The following NASP variants were observed in gnomAD, a reference collection of about 807,000 sequenced individuals.
NASP encodes the protein nuclear autoantigenic sperm protein, also known as NASP histone chaperone.
NASP carries 24 observed loss-of-function variants against 89.5 expected under a neutral mutation model. That is an observed-to-expected ratio of 0.27 (90% CI 0.19 to 0.38). The LOEUF (loss-of-function observed/expected upper bound fraction) is 0.38, where lower values mean the gene tolerates loss of function less well. Among genes scored for constraint, NASP ranks in the 10% least tolerant of loss-of-function variants. The pLI is 1.00. For missense variants in NASP, 848 were observed against 921.4 expected (o/e 0.92, Z 1.03); for synonymous variants, 306 against 324.7 (o/e 0.94, Z 0.62).
rs1210379928 is a variant in NASP, at chr1:45,607,811, A to G, written c.900A>G (p.Leu300=). 3.1e-6 allele frequency: 5 copies of G among 1,614,066 alleles called. No individual in the cohort carries two copies. The highest frequency in any genetic ancestry group is 8.5e-7 in the Non-Finnish European group (1 of 1,180,028). ...CAGTGGAGGTAGAAGCAGAGTCTTT[A>G]GACCCGACAGTCAAGCCAGTGGATG... The part of the protein sequence containing the change: ...GTAVEVEAES[L]DPTVKPVDVG... Residue 300 remains leucine, a synonymous_variant, in exon 6 of 15, where the codon TTA becomes TTG. Transcript: ENST00000350030.
intron 2 of NASP, among the ~76,000 whole-genome samples, chr1:45,596,175 G>C (rs931852637): frequency 6.6e-6 from 1 of 152,204 alleles, no homozygotes; most frequent in African/African-American, 2.4e-5. Context: ...AACTGCTGTT[G>C]TGAGACTGAC....
chr1:45,591,143 T>G (rs1643537505), intron 1 of NASP, 80 bp from the exon 2 acceptor site: 1 of 844,348 alleles, frequency 1.2e-6, no homozygotes, highest in Non-Finnish European at 1.9e-6. Flanking sequence ...TTCCTTTATA[T>G]TTTTCTGAAT....
rs1317207486 is a variant in NASP, at chr1:45,585,556, A to G, written c.59+1351A>G. On this transcript the variant is annotated intron_variant, in intron 1 of 14. Coordinates refer to ENST00000350030, the MANE Select transcript of NASP (RefSeq NM_002482.4). ...CTTTCCCCATTGATTCGATATAAGC[A>G]GTATAGATTGGGCTTGGGAGTCGTG... 3.3e-5 allele frequency among the ~76,000 whole-genome samples: 5 copies of G among 152,302 alleles called. No homozygotes were observed. In the East Asian group the frequency reaches 7.7e-4, roughly 23 times the overall value.
chr1:45,618,209 G>C lies in NASP; in HGVS notation c.*68G>C. 7.9e-7 allele frequency: 1 copy of C among 1,268,414 alleles called. No homozygotes were observed. The highest frequency in any genetic ancestry group is 1.1e-6 in the Non-Finnish European group (1 of 901,864). The allele number at this position is 1,268,414 out of a possible 1,614,324, so 78.6% of individuals were successfully genotyped here. ...ATAATGTATTTTTTCACTTTTGGAG[G>C]ATTCTTTTTGTATAACTTCAATAAA... is the stretch of plus-strand genomic sequence containing the variant. On this transcript the variant is annotated 3_prime_UTR_variant, in exon 15 of 15. Coordinates refer to ENST00000350030, the MANE Select transcript of NASP (RefSeq NM_002482.4).
In NASP at chr1:45,615,002, C is replaced by T. The variant is rs771800692; in HGVS notation, c.1667-11C>T. 2 of 1,602,714 alleles carry T rather than the reference C, an allele frequency of 1.2e-6. No individual in the cohort carries two copies. Among genetic ancestry groups the T allele is most frequent in the Non-Finnish European group, 1.7e-6 (2 of 1,175,168 alleles). ...TGTCCATTTACTTGCTCTTCTTTTT[C>T]TCTTTGTTAGAAAACTATGTGCAAG... On this transcript the variant is annotated splice_polypyrimidine_tract_variant and intron_variant, in intron 9 of 14. Transcript: ENST00000350030.
chr1:45,618,012 A>T (rs377712356), intron 14 of NASP, 49 bp from the exon 15 acceptor site: 131 of 1,519,526 alleles, frequency 8.6e-5, no homozygotes, highest in Non-Finnish European at 1.1e-4. Context: ...TATAAGACAG[A>T]ATGGCTTAAA....
At chr1:45,600,391 T>G (rs1490687682) in intron 2 of NASP, 1 of 1,291,278 alleles carries the variant, frequency 7.7e-7, no homozygotes, top group African/African-American at 1.5e-5. Flanking sequence ...CCAGCAACCA[T>G]TAATCTGCTT....
chr1:45,587,449 G>A (rs1644569049), intron 1 of NASP, among the ~76,000 whole-genome samples: 1 of 151,752 alleles, frequency 6.6e-6, no homozygotes, highest in African/African-American at 2.4e-5. Context: ...CCCGGCTGCA[G>A]TTATGATTTA....
chr1:45,616,425 C>A (rs759494020), intron 12 of NASP, 32 bp downstream of exon 12: 1 of 1,605,260 alleles, frequency 6.2e-7, no homozygotes, highest in Non-Finnish European at 8.5e-7. Context: ...TGGTCACTTA[C>A]ATTAAGTCTC....
In NASP at chr1:45,607,836, G is replaced by T; in HGVS notation, c.925G>T (p.Val309Leu). The T allele has an allele frequency of 1.2e-6, 2 of 1,614,176 alleles. No individual in the cohort carries two copies. Among genetic ancestry groups the T allele is most frequent in the Non-Finnish European group, 8.5e-7 (1 of 1,180,020 alleles). Reference sequence around the variant, plus strand: ...AGACCCGACAGTCAAGCCAGTGGATGTGGGTGGGGACGAGCCAGAGGAGAA... The same window carrying T: ...AGACCCGACAGTCAAGCCAGTGGATTTGGGTGGGGACGAGCCAGAGGAGAA... ...SLDPTVKPVD[V>L]GGDEPEEKVV... is the part of the protein sequence containing the mutation. The change falls in exon 6 of 15, where the codon GTG becomes TTG. Residue 309 changes from valine (V) to leucine (L), a missense_variant. Val to Leu is a conservative substitution (Grantham distance 32). Around this residue, in one of 5 missense-constraint regions of NASP, gnomAD observed 464 missense variants for 469.4 expected, o/e 0.99. Coordinates refer to ENST00000350030, the MANE Select transcript of NASP (RefSeq NM_002482.4).
chr1:45,616,652 T>A lies in NASP; in HGVS notation c.2106T>A (p.Gly702=). Residue 702 remains glycine (G), a synonymous_variant, in exon 13 of 15, where the codon GGT becomes GGA. Transcript: ENST00000350030. ...TTGCCAGTAGAAAGCCAACAGACGG[T>A]GCTTCCTCATCAAATTGTGTGACTG... ...SMIASRKPTD[G]ASSSNCVTDI... The A allele has an allele frequency of 6.2e-7, 1 of 1,614,198 alleles. No homozygotes were observed. The highest frequency in any genetic ancestry group is 8.5e-7 in the Non-Finnish European group (1 of 1,180,004).
rs202213034 is a variant in NASP at position 45,607,880 on chromosome 1, C to T, written c.969C>T (p.Asn323=). 7.7e-5 allele frequency: 125 copies of T among 1,614,098 alleles called. No homozygotes were observed. Among genetic ancestry groups the T allele is most frequent in the East Asian group, 6.9e-4 (31 of 44,886 alleles). ...AGGAGAAGGTAGTTACCTCTGAAAA[C>T]GAGGCAGGAAAGGCGGTTCTTGAAC... ...EPEEKVVTSE[N]EAGKAVLEQL... Residue 323 remains asparagine, a synonymous_variant, in exon 6 of 15, where the codon AAC becomes AAT. Transcript: ENST00000350030.
At chr1:45,602,649 C>G (rs1181619037) in intron 3 of NASP, among the ~76,000 whole-genome samples, 2 of 152,060 alleles carry the variant, frequency 1.3e-5, no homozygotes, top group Non-Finnish European at 2.9e-5. Context: ...ATCTCTCCAC[C>G]CCCGCTTTTT....
chr1:45,606,390 T>C, intron 4 of NASP, 92 bp from the exon 5 acceptor site: 1 of 827,020 alleles, frequency 1.2e-6, no homozygotes, highest in Non-Finnish European at 2.0e-6. Flanking sequence ...TTACACTTCT[T>C]GCTTTTATAA....
intron 1 of NASP, among the ~76,000 whole-genome samples, chr1:45,586,282 GTGGTGTGTGTGTGTGT>G (rs1479144466): frequency 0.033 from 1,304 of 39,776 alleles, 8 homozygotes; most frequent in African/African-American, 0.045. Flanking sequence ...GTGTGTGTGT[GTGGTGTGTGTGTGTGT>G]GTGTGTGTGT....
At position 45,607,708 on chromosome 1, in the gene NASP, T is replaced by C. The variant is rs549617824; in HGVS notation, c.797T>C (p.Val266Ala). 46 of 1,613,526 alleles carry C rather than the reference T, an allele frequency of 2.9e-5. No individual in the cohort carries two copies. Among genetic ancestry groups the C allele is most frequent in the Non-Finnish European group, 3.7e-5 (44 of 1,179,932 alleles). The change falls in exon 6 of 15, where the codon GTA becomes GCA. Residue 266 changes from valine to alanine, a missense_variant. This residue lies in a region of NASP where 464 missense variants were observed against 469.4 expected (regional missense o/e 0.99). Coordinates refer to ENST00000350030, the MANE Select transcript of NASP (RefSeq NM_002482.4). ...EKGGQEKQGE[V>A]IVSIEEKPKE... ...GGAGGTCAGGAGAAGCAGGGAGAGGTAATTGTGAGCATAGAGGAGAAGCCA... is the reference window on the plus strand; with the variant it reads ...GGAGGTCAGGAGAAGCAGGGAGAGGCAATTGTGAGCATAGAGGAGAAGCCA...
At chr1:45,590,497 C>T (rs1394451761) in intron 1 of NASP, among the ~76,000 whole-genome samples, 16 of 146,148 alleles carry the variant, frequency 1.1e-4, no homozygotes, top group East Asian at 2.0e-4. Context: ...TGCAGTGAGC[C>T]GGAGATCGTG....
chr1:45,584,757 G>A (rs2148318864), intron 1 of NASP, among the ~76,000 whole-genome samples: 1 of 152,356 alleles, frequency 6.6e-6, no homozygotes, highest in South Asian at 2.1e-4. Context: ...GCAGGGGGCG[G>A]GGCCTTGAGG....
chr1:45,588,783 A>G (rs1053210859), intron 1 of NASP: 2 of 210,994 alleles, frequency 9.5e-6, no homozygotes, highest in Non-Finnish European at 9.8e-6. Context: ...CTAAAAATAC[A>G]AAAAAAAAAT....
Sources: allele counts gnomAD v4.1 joint callset (sites outside exome capture counted in the v4.1 genomes callset), GRCh38; gene constraint gnomAD v4.1.1; regional missense constraint gnomAD v4.1.1; transcripts MANE v1.5; gene names NCBI Gene and HGNC (gene_info 2026-07-23, HGNC 2026-07-21).